Variants in CELF4 observed in about 807,000 individuals in gnomAD.
The protein encoded by CELF4 is CUG-BP- and ETR-3-like factor 4.
CELF4 carries 18 observed loss-of-function variants against 59.9 expected under a neutral mutation model. The observed-to-expected ratio is 0.30, with a 90% CI of 0.21 to 0.45. The LOEUF is 0.45. Ranked by LOEUF, CELF4 falls within the 20% of genes least tolerant of loss-of-function variation. CELF4 has a pLI of 1.00. For synonymous variants in CELF4, 261 were observed against 267.1 expected, an observed-to-expected ratio of 0.98 and a Z score of 0.22; for missense variants, 456 against 689.0, an observed-to-expected ratio of 0.66 and a Z score of 3.79.
rs374384651 is a variant in CELF4 at position 37,494,273 on chromosome 18, G to A, written c.287-8666C>T. Among the ~76,000 whole-genome samples, 15 of 152,298 alleles carry A rather than the reference G, an allele frequency of 9.8e-5. No individual in the cohort carries two copies. In the East Asian group the frequency reaches 2.3e-3, roughly 24 times the overall value. On this transcript the variant is annotated intron_variant, in intron 1 of 12. Coordinates refer to ENST00000420428, the MANE Select transcript of CELF4 (RefSeq NM_020180.4). ...CACTGTGAAAAAAGACAAAGTGGAC[G>A]TGACATATTGATGGCCTGTCCCCCT...
chr18:37,368,409 A>C (rs2098815416), intron 2 of CELF4, among the ~76,000 whole-genome samples: 1 of 151,978 alleles, frequency 6.6e-6, no homozygotes, highest in Non-Finnish European at 1.5e-5. Flanking sequence ...ACAATGATGT[A>C]CACAGCAGGG....
chr18:37,443,158 G>A (rs2099737782), intron 2 of CELF4, among the ~76,000 whole-genome samples: 1 of 152,144 alleles, frequency 6.6e-6, no homozygotes, highest in African/African-American at 2.4e-5. Flanking sequence ...CTGTGGATTA[G>A]AGCTAAACCC....
chr18:37,258,094 T>G (rs1832104973), intron 11 of CELF4, among the ~76,000 whole-genome samples: 1 of 152,208 alleles, frequency 6.6e-6, no homozygotes, highest in South Asian at 2.1e-4. Flanking sequence ...AAATTCAAAT[T>G]TAACTGGCCA....
intron 2 of CELF4, among the ~76,000 whole-genome samples, chr18:37,390,382 G>A (rs1569568514): frequency 6.6e-6 from 1 of 152,172 alleles, no homozygotes; most frequent in African/African-American, 2.4e-5. Flanking sequence ...CCATGCCCTG[G>A]CTGGGATTTC....
chr18:37,532,480 G>A (rs1189605194), intron 1 of CELF4, among the ~76,000 whole-genome samples: 2 of 152,160 alleles, frequency 1.3e-5, no homozygotes, highest in African/African-American at 4.8e-5. Context: ...ATCTGAAACA[G>A]CATTCAGATG....
chr18:37,430,466 C>A (rs1301034768), intron 2 of CELF4, among the ~76,000 whole-genome samples: 1 of 152,182 alleles, frequency 6.6e-6, no homozygotes, highest in Non-Finnish European at 1.5e-5. Context: ...TCCACACAAA[C>A]CTCGGGGCAG....
At chr18:37,473,658 T>A (rs1229302833) in intron 2 of CELF4, 1 of 152,218 alleles carries the variant, frequency 6.6e-6, no homozygotes, top group African/African-American at 2.4e-5. Context: ...AGCATCCTCA[T>A]GGAAGCATCA....
chr18:37,478,258 C>G (rs561652980), intron 2 of CELF4, among the ~76,000 whole-genome samples: 1 of 152,284 alleles, frequency 6.6e-6, no homozygotes, highest in African/African-American at 2.4e-5. Context: ...AGGGAGGGTC[C>G]GGGCTCATTG....
intron 2 of CELF4, among the ~76,000 whole-genome samples, chr18:37,475,141 C>G (rs1226838916): frequency 6.6e-6 from 1 of 152,344 alleles, no homozygotes; most frequent in East Asian, 1.9e-4. Flanking sequence ...TTGATTTCCT[C>G]TCTTCCTTGT....
At chr18:37,303,332 T>C (rs923349304) in intron 3 of CELF4, among the ~76,000 whole-genome samples, 1 of 151,980 alleles carries the variant, frequency 6.6e-6, no homozygotes, top group African/African-American at 2.4e-5. Flanking sequence ...CTGGCAGAGG[T>C]CTCCTTCCTC....
At chr18:37,485,285 G>A (rs1389753910) in intron 2 of CELF4, among the ~76,000 whole-genome samples, 3 of 151,644 alleles carry the variant, frequency 2.0e-5, no homozygotes, top group Non-Finnish European at 4.4e-5. Context: ...CCGCTCCCCC[G>A]CCCCAGGCTG....
chr18:37,411,280 G>A (rs2154592126), intron 2 of CELF4, among the ~76,000 whole-genome samples: 1 of 152,312 alleles, frequency 6.6e-6, no homozygotes, highest in East Asian at 1.9e-4. Context: ...TTTAAGGGAA[G>A]AGTTTTGAAA....
At chr18:37,358,255 A>G (rs957252488) in intron 2 of CELF4, among the ~76,000 whole-genome samples, 1 of 152,164 alleles carries the variant, frequency 6.6e-6, no homozygotes, top group African/African-American at 2.4e-5. Flanking sequence ...TGCTGTTCTC[A>G]TGATAGTGAG....
chr18:37,266,265 G>C (rs2077477694), intron 9 of CELF4: 1 of 571,204 alleles, frequency 1.8e-6, no homozygotes, highest in Non-Finnish European at 3.1e-6. Context: ...TGGCCTCAAA[G>C]ACAGGTAACT....
intron 2 of CELF4, among the ~76,000 whole-genome samples, chr18:37,444,289 C>T (rs1169784773): frequency 2.6e-5 from 4 of 152,014 alleles, no homozygotes; most frequent in Non-Finnish European, 5.9e-5. Context: ...CCCCTAGCAT[C>T]CCCGTCCTGG....
chr18:37,460,462 G>GCT (rs2099790498), intron 2 of CELF4, among the ~76,000 whole-genome samples: 1 of 152,160 alleles, frequency 6.6e-6, no homozygotes, highest in Non-Finnish European at 1.5e-5. Flanking sequence ...CTCTGCTTCT[G>GCT]TGCTATGGAA....
chr18:37,494,480 C>A (rs1338315464), intron 1 of CELF4, among the ~76,000 whole-genome samples: 1 of 152,228 alleles, frequency 6.6e-6, no homozygotes, highest in Non-Finnish European at 1.5e-5. Flanking sequence ...TTCTGTACCT[C>A]TTCTCTGGCC....
intron 1 of CELF4, among the ~76,000 whole-genome samples, chr18:37,515,455 G>C (rs144022125): frequency 9.9e-5 from 15 of 152,262 alleles, no homozygotes; most frequent in African/African-American, 3.6e-4. Context: ...GCAGGCCTAG[G>C]CTTCCTGAAC....
intron 2 of CELF4, among the ~76,000 whole-genome samples, chr18:37,367,118 G>A (rs2098794911): frequency 6.6e-6 from 1 of 152,158 alleles, no homozygotes; most frequent in Admixed American, 6.5e-5. Flanking sequence ...ACCTGAGGAG[G>A]GGGCATTGCA....
Sources: allele counts gnomAD v4.1 joint callset (sites outside exome capture counted in the v4.1 genomes callset), GRCh38; gene constraint gnomAD v4.1.1; transcripts MANE v1.5; gene names NCBI Gene and HGNC (gene_info 2026-07-23, HGNC 2026-07-21).